Variants in AUTS2 observed in about 807,000 individuals in gnomAD.
AUTS2 encodes activator of transcription and developmental regulator AUTS2.
Under a neutral mutation model 112.4 loss-of-function variants are expected in AUTS2, and 17 were observed. The observed-to-expected ratio is 0.15, with a 90% CI of 0.10 to 0.23. AUTS2 has a LOEUF of 0.23. Ranked by LOEUF, AUTS2 falls within the 10% of genes least tolerant of loss-of-function variation. AUTS2 has a pLI of 1.00. For missense variants in AUTS2, 1,510 were observed against 1,701.6 expected (o/e 0.89, Z 1.98); for synonymous variants, 751 against 702.7 (o/e 1.07, Z -1.09).
intron 2 of AUTS2, among the ~76,000 whole-genome samples, chr7:69,950,790 G>C (rs977630250): frequency 1.3e-5 from 2 of 152,100 alleles, no homozygotes; most frequent in Admixed American, 6.6e-5. Context: ...AAGTCATGCC[G>C]TTGCAATAAG....
chr7:70,255,887 A>G (rs543948158), intron 4 of AUTS2, among the ~76,000 whole-genome samples: 1 of 152,238 alleles, frequency 6.6e-6, no homozygotes, highest in Non-Finnish European at 1.5e-5. Flanking sequence ...TTTATTAATC[A>G]TTGGGTTATG....
At chr7:69,666,650 C>G (rs1346487293) in intron 1 of AUTS2, among the ~76,000 whole-genome samples, 1 of 152,078 alleles carries the variant, frequency 6.6e-6, no homozygotes, top group African/African-American at 2.4e-5. Context: ...ACCTGTAATC[C>G]CAACACTTTG....
intron 5 of AUTS2, among the ~76,000 whole-genome samples, chr7:70,532,872 C>T (rs1468136423): frequency 6.6e-6 from 1 of 152,226 alleles, no homozygotes; most frequent in Non-Finnish European, 1.5e-5. Context: ...GGGTTCAACT[C>T]AGTAATTGAT....
chr7:69,649,472 G>A (rs1476944246), intron 1 of AUTS2, among the ~76,000 whole-genome samples: 1 of 151,980 alleles, frequency 6.6e-6, no homozygotes, highest in African/African-American at 2.4e-5. Context: ...TGGTCCAGTT[G>A]TGCCTCCTTT....
intron 5 of AUTS2, among the ~76,000 whole-genome samples, chr7:70,604,024 G>A (rs574805237): frequency 2.0e-4 from 31 of 152,234 alleles, no homozygotes; most frequent in African/African-American, 5.1e-4. Context: ...TTTAAAACGT[G>A]CCTGGCCCAC....
chr7:69,831,616 CT>C (rs1791504369), intron 1 of AUTS2, among the ~76,000 whole-genome samples: 1 of 151,648 alleles, frequency 6.6e-6, no homozygotes, highest in African/African-American at 2.4e-5. Flanking sequence ...CCCAACTGAC[CT>C]TTTAAGATTT....
intron 4 of AUTS2, among the ~76,000 whole-genome samples, chr7:70,433,570 A>G (rs1350974352): frequency 6.6e-6 from 1 of 152,128 alleles, no homozygotes; most frequent in Non-Finnish European, 1.5e-5. Flanking sequence ...TTTCTTTCTC[A>G]ACTCATTTGA....
intron 6 of AUTS2, among the ~76,000 whole-genome samples, chr7:70,742,009 T>G (rs1034594920): frequency 6.6e-6 from 1 of 152,228 alleles, no homozygotes; most frequent in African/African-American, 2.4e-5. Context: ...CAGACAAAAT[T>G]GCACCTAAGC....
chr7:69,746,233 G>A (rs1218035193), intron 1 of AUTS2, among the ~76,000 whole-genome samples: 1 of 152,074 alleles, frequency 6.6e-6, no homozygotes, highest in Non-Finnish European at 1.5e-5. Context: ...GGGATTAACT[G>A]TGTTCTCTCA....
chr7:69,962,710 G>A (rs985310296), intron 2 of AUTS2, among the ~76,000 whole-genome samples: 2 of 152,008 alleles, frequency 1.3e-5, no homozygotes, highest in African/African-American at 4.8e-5. Flanking sequence ...ATGCATGTAT[G>A]TGTATGTGTG....
At chr7:70,024,130 C>G (rs1305802202) in intron 2 of AUTS2, among the ~76,000 whole-genome samples, 2 of 152,140 alleles carry the variant, frequency 1.3e-5, no homozygotes, top group African/African-American at 4.8e-5. Flanking sequence ...GCTTCTTGTT[C>G]CCCCATTCCC....
intron 4 of AUTS2, chr7:70,292,263 T>C (rs1197170354): frequency 6.6e-6 from 1 of 152,250 alleles, no homozygotes; most frequent in Non-Finnish European, 1.5e-5. Context: ...TTCCGACACG[T>C]GGTTACCCAC....
At chr7:70,722,875 T>C (rs994054481) in intron 6 of AUTS2, among the ~76,000 whole-genome samples, 1 of 152,218 alleles carries the variant, frequency 6.6e-6, no homozygotes, top group Non-Finnish European at 1.5e-5. Flanking sequence ...CCCTTAAATA[T>C]TGTCTTATTT....
At chr7:70,467,612 A>G (rs1489140509) in intron 5 of AUTS2, among the ~76,000 whole-genome samples, 2 of 152,234 alleles carry the variant, frequency 1.3e-5, no homozygotes, top group African/African-American at 2.4e-5. Flanking sequence ...TTCTTGTATT[A>G]TATCACTTAA....
chr7:70,471,552 T>A (rs1355094548), intron 5 of AUTS2, among the ~76,000 whole-genome samples: 2 of 152,200 alleles, frequency 1.3e-5, no homozygotes, highest in African/African-American at 4.8e-5. Flanking sequence ...ATATTTTTTG[T>A]ATGCCTACCC....
chr7:70,395,263 G>A (rs777370819), intron 4 of AUTS2, among the ~76,000 whole-genome samples: 13 of 151,956 alleles, frequency 8.6e-5, no homozygotes, highest in Non-Finnish European at 1.8e-4. Context: ...TATTAGCCAG[G>A]TGTTGTGGCT....
intron 4 of AUTS2, among the ~76,000 whole-genome samples, chr7:70,425,195 A>C (rs1285857317): frequency 6.6e-6 from 1 of 152,232 alleles, no homozygotes; most frequent in Admixed American, 6.5e-5. Flanking sequence ...CAGCAGCTTC[A>C]TTACCTGGGG....
intron 6 of AUTS2, among the ~76,000 whole-genome samples, chr7:70,724,544 C>G (rs987483044): frequency 1.8e-4 from 27 of 148,498 alleles, no homozygotes; most frequent in African/African-American, 6.7e-4. Context: ...CTCCTCGGTT[C>G]ACACCATTCT....
intron 6 of AUTS2, among the ~76,000 whole-genome samples, chr7:70,735,292 T>C (rs1787712427): frequency 6.6e-6 from 1 of 152,204 alleles, no homozygotes; most frequent in South Asian, 2.1e-4. Flanking sequence ...CAAAATGAAA[T>C]CGACTTGTGA....
Sources: allele counts gnomAD v4.1 joint callset (sites outside exome capture counted in the v4.1 genomes callset), GRCh38; gene constraint gnomAD v4.1.1; transcripts MANE v1.5; gene names NCBI Gene and HGNC (gene_info 2026-07-23, HGNC 2026-07-21).